The following CRPPA variants were observed in gnomAD, a reference collection of about 807,000 sequenced individuals.
The protein encoded by CRPPA is D-ribitol-5-phosphate cytidylyltransferase.
In CRPPA, 43 loss-of-function variants were observed where a neutral mutation model predicts 52.0. That is an observed-to-expected ratio of 0.83 (90% CI 0.65 to 1.07). The LOEUF (loss-of-function observed/expected upper bound fraction) is 1.07, where lower values mean the gene tolerates loss of function less well. Among genes scored for constraint, CRPPA ranks in the 50% least tolerant of loss-of-function variants. CRPPA has a pLI of 0.00. For synonymous variants in CRPPA, 250 were observed against 203.5 expected (o/e 1.23, Z -1.94); for missense variants, 629 against 551.7 (o/e 1.14, Z -1.40).
intron 5 of CRPPA, among the ~76,000 whole-genome samples, chr7:16,288,664 G>A (rs539212690): frequency 6.6e-6 from 1 of 151,682 alleles, no homozygotes; most frequent in East Asian, 1.9e-4. Context: ...TGGCCAACAT[G>A]GTGAGACCCC....
intron 2 of CRPPA, among the ~76,000 whole-genome samples, chr7:16,401,357 G>A (rs946761933): frequency 3.9e-5 from 6 of 152,138 alleles, no homozygotes; most frequent in Non-Finnish European, 5.9e-5. Flanking sequence ...GTAGTCACAG[G>A]TGATTTTGGA....
chr7:16,215,309 C>A (rs917779427), intron 9 of CRPPA, among the ~76,000 whole-genome samples: 19 of 152,182 alleles, frequency 1.2e-4, no homozygotes, highest in African/African-American at 4.6e-4. Context: ...CTAAAGTAGT[C>A]ACAAATCCAA....
chr7:16,205,179 G>A (rs1781946517), intron 9 of CRPPA, among the ~76,000 whole-genome samples: 1 of 152,128 alleles, frequency 6.6e-6, no homozygotes, highest in Non-Finnish European at 1.5e-5. Context: ...CTATTGCTCA[G>A]CTAACCTCAC....
intron 3 of CRPPA, among the ~76,000 whole-genome samples, chr7:16,346,082 T>C (rs1253713839): frequency 2.6e-5 from 4 of 152,214 alleles, no homozygotes; most frequent in Non-Finnish European, 4.4e-5. Context: ...TAAAACTGTT[T>C]TCATAATTTC....
intron 3 of CRPPA, among the ~76,000 whole-genome samples, chr7:16,316,071 A>G (rs1785137519): frequency 6.6e-6 from 1 of 152,208 alleles, no homozygotes; most frequent in South Asian, 2.1e-4. Context: ...AAACTATAGT[A>G]GGACATGGTA....
chr7:16,392,488 A>G (rs1257603934), intron 2 of CRPPA, among the ~76,000 whole-genome samples: 4 of 152,158 alleles, frequency 2.6e-5, no homozygotes, highest in Admixed American at 6.6e-5. Context: ...TATTCCAAGC[A>G]TTATGCTTTG....
At chr7:16,186,846 C>G (rs1781513664) in intron 9 of CRPPA, among the ~76,000 whole-genome samples, 1 of 151,952 alleles carries the variant, frequency 6.6e-6, no homozygotes, top group Non-Finnish European at 1.5e-5. Flanking sequence ...GGAAAAATAC[C>G]AAGGAGAGGA....
At chr7:16,103,635 G>C (rs1782092871) in intron 9 of CRPPA, among the ~76,000 whole-genome samples, 2 of 152,108 alleles carry the variant, frequency 1.3e-5, no homozygotes, top group Non-Finnish European at 2.9e-5. Context: ...AAGTGTAAGG[G>C]ACACTGATAA....
intron 9 of CRPPA, among the ~76,000 whole-genome samples, chr7:16,154,973 C>CTTTTTTTTTTTT: frequency 7.9e-6 from 1 of 127,030 alleles, no homozygotes; most frequent in Non-Finnish European, 1.7e-5. Flanking sequence ...CTAATTTTTT[C>CTTTTTTTTTTTT]TTTTTTTTTT....
intron 9 of CRPPA, among the ~76,000 whole-genome samples, chr7:16,140,365 ATGTTG>A (rs949005238): frequency 4.0e-5 from 6 of 151,316 alleles, no homozygotes; most frequent in Non-Finnish European, 5.9e-5. Flanking sequence ...GGGTTTCACC[ATGTTG>A]CCCAGGCTGG....
intron 6 of CRPPA, among the ~76,000 whole-genome samples, chr7:16,265,153 G>T (rs1487789557): frequency 6.6e-6 from 1 of 152,146 alleles, no homozygotes; most frequent in Non-Finnish European, 1.5e-5. Context: ...GGTTATATAA[G>T]CTACAGGCTG....
intron 6 of CRPPA, among the ~76,000 whole-genome samples, chr7:16,275,081 AAAT>A (rs567370599): frequency 8.7e-4 from 132 of 152,270 alleles, no homozygotes; most frequent in African/African-American, 3.1e-3. Flanking sequence ...GTCTAAAAAA[AAAT>A]AATATTAGTG....
At chr7:16,267,079 G>A (rs997139078) in intron 6 of CRPPA, among the ~76,000 whole-genome samples, 3 of 152,098 alleles carry the variant, frequency 2.0e-5, no homozygotes, top group South Asian at 4.1e-4. Flanking sequence ...AAGTTAAAAT[G>A]AACAAATCCT....
chr7:16,117,581 C>T (rs758443285), intron 9 of CRPPA, among the ~76,000 whole-genome samples: 7 of 152,328 alleles, frequency 4.6e-5, no homozygotes, highest in Middle Eastern at 3.4e-3. Flanking sequence ...GCGGGAGCTA[C>T]GTGCACCCCA....
intron 9 of CRPPA, among the ~76,000 whole-genome samples, chr7:16,172,746 C>T (rs1255054189): frequency 6.6e-6 from 1 of 152,030 alleles, no homozygotes; most frequent in East Asian, 1.9e-4. Context: ...ACTTTCAATC[C>T]TAACTCATTT....
At chr7:16,383,797 G>C (rs186006373) in intron 2 of CRPPA, among the ~76,000 whole-genome samples, 3 of 152,362 alleles carry the variant, frequency 2.0e-5, no homozygotes, top group African/African-American at 7.2e-5. Flanking sequence ...GACCCTCCAA[G>C]CCATGTGCGG....
At position 16,241,659 on chromosome 7, in the gene CRPPA, T is replaced by C. The variant is rs1162852797; in HGVS notation, c.1119+16731A>G. 2.6e-5 allele frequency among the ~76,000 whole-genome samples: 4 copies of C among 152,286 alleles called. No homozygotes were observed. The East Asian group carries it at 5.8e-4, about 22-fold the overall frequency. ...TAAAAAAGCTTTAAATAACAAAATA[T>C]TGCCCACTATTTTATCCAATAGTAG... is the stretch of plus-strand genomic sequence containing the variant. On this transcript the variant is annotated intron_variant, in intron 8 of 9. Transcript: ENST00000407010.
chr7:16,115,110 A>G (rs1053911159), intron 9 of CRPPA, among the ~76,000 whole-genome samples: 3 of 152,050 alleles, frequency 2.0e-5, no homozygotes, highest in Non-Finnish European at 4.4e-5. Flanking sequence ...ATCGATTAAC[A>G]ATATGAAATG....
intron 3 of CRPPA, among the ~76,000 whole-genome samples, chr7:16,363,765 T>C (rs999439104): frequency 2.0e-5 from 3 of 151,954 alleles, no homozygotes; most frequent in African/African-American, 4.8e-5. Context: ...TAAGGACCAG[T>C]GGGGAAAAAA....
Sources: allele counts gnomAD v4.1 joint callset (sites outside exome capture counted in the v4.1 genomes callset), GRCh38; gene constraint gnomAD v4.1.1; transcripts MANE v1.5; gene names NCBI Gene and HGNC (gene_info 2026-07-23, HGNC 2026-07-21).